The following INSC variants were observed in gnomAD, a reference collection of about 807,000 sequenced individuals.
INSC encodes INSC spindle orientation adaptor protein.
Under a neutral mutation model 58.6 loss-of-function variants are expected in INSC, and 67 were observed. The observed-to-expected ratio is 1.14, with a 90% CI of 0.94 to 1.40. The LOEUF (loss-of-function observed/expected upper bound fraction) is 1.40. Ranked by LOEUF, INSC falls within the 40% of genes most tolerant of loss-of-function variation. INSC has a pLI of 0.00. For missense variants in INSC, 714 were observed against 692.0 expected (o/e 1.03, Z -0.36); for synonymous variants, 262 against 276.1 (o/e 0.95, Z 0.51).
chr11:15,236,714 C>T (rs951051814), intron 10 of INSC, among the ~76,000 whole-genome samples: 6 of 152,190 alleles, frequency 3.9e-5, no homozygotes, highest in African/African-American at 1.4e-4. Flanking sequence ...AATTAGCAAC[C>T]GGTTGGAAAC....
chr11:15,207,612 C>T (rs947714688), intron 7 of INSC, among the ~76,000 whole-genome samples: 1 of 152,236 alleles, frequency 6.6e-6, no homozygotes, highest in Admixed American at 6.5e-5. Context: ...CTTGAAATCC[C>T]AGAGGCCCTG....
chr11:15,217,566 T>C (rs1275661054), intron 7 of INSC, among the ~76,000 whole-genome samples: 1 of 152,100 alleles, frequency 6.6e-6, no homozygotes, highest in Non-Finnish European at 1.5e-5. Flanking sequence ...GGCCTCATAC[T>C]ATGGTGAGCT....
At chr11:15,170,315 G>A (rs2133809441) in intron 2 of INSC, among the ~76,000 whole-genome samples, 1 of 151,932 alleles carries the variant, frequency 6.6e-6, no homozygotes, top group African/African-American at 2.4e-5. Context: ...ATTCCACCCA[G>A]GATATCATAT....
chr11:15,221,558 G>A lies in INSC; in HGVS notation c.901G>A (p.Val301Met), dbSNP rs1281054285. 6.2e-7 allele frequency: 1 copy of A among 1,614,028 alleles called. No homozygotes were observed. Among genetic ancestry groups the A allele is most frequent in the Admixed American group, 1.7e-5 (1 of 60,004 alleles). Residue 301 changes from valine (V) to methionine (M), a missense_variant, in exon 8 of 13, where the codon GTG (valine) becomes ATG (methionine). Transcript: ENST00000379556. ...CACACGGGCTGAGGCTGCGGCTGTG[G>A]TGGCCCAGGTCACCTCCCCACACCT... The part of the protein sequence containing the change: ...EATRAEAAAV[V>M]AQVTSPHLPV...
At chr11:15,133,957 A>T (rs980256459) in intron 1 of INSC, among the ~76,000 whole-genome samples, 16 of 152,226 alleles carry the variant, frequency 1.1e-4, no homozygotes, top group Non-Finnish European at 5.9e-5. Context: ...AAGGAGAAGG[A>T]TTAATTGTCA....
At chr11:15,116,921 C>CTCCTTCCTTCCTTCCTTCCTTCCTTCCT (rs1219518629) in intron 1 of INSC, among the ~76,000 whole-genome samples, 6 of 20,592 alleles carry the variant, frequency 2.9e-4, no homozygotes, top group African/African-American at 6.2e-4. Context: ...CCCTCCCTCC[C>CTCCTTCCTTCCTTCCTTCCTTCCTTCCT]TCCTTCCTTC....
the INSC span, among the ~76,000 whole-genome samples, chr11:15,259,224 G>C: frequency 1.3e-5 from 2 of 152,072 alleles, no homozygotes. Flanking sequence ...GGGGCTTGTT[G>C]GATACACCCT....
intron 5 of INSC, among the ~76,000 whole-genome samples, chr11:15,181,304 G>A (rs1336391814): frequency 6.6e-6 from 1 of 152,184 alleles, no homozygotes; most frequent in Non-Finnish European, 1.5e-5. Context: ...TATTATTAAA[G>A]CACCTATTTA....
At chr11:15,239,813 A>G (rs1299440020) in intron 11 of INSC, among the ~76,000 whole-genome samples, 3 of 152,142 alleles carry the variant, frequency 2.0e-5, no homozygotes, top group Non-Finnish European at 2.9e-5. Flanking sequence ...CTGTGGTTTG[A>G]TGGGTAAGTT....
chr11:15,206,194 A>G (rs936626409), intron 7 of INSC, among the ~76,000 whole-genome samples: 2 of 152,186 alleles, frequency 1.3e-5, no homozygotes, highest in African/African-American at 4.8e-5. Flanking sequence ...GAGGCCCAGC[A>G]GGACAGACAG....
At chr11:15,174,231 T>A (rs191297224) in intron 2 of INSC, among the ~76,000 whole-genome samples, 3 of 152,220 alleles carry the variant, frequency 2.0e-5, no homozygotes, top group Admixed American at 1.3e-4. Flanking sequence ...GATAGCCACA[T>A]GGCATCCTTC....
chr11:15,146,566 C>T (rs1187807483), intron 1 of INSC, among the ~76,000 whole-genome samples: 3 of 152,166 alleles, frequency 2.0e-5, no homozygotes, highest in South Asian at 2.1e-4. Context: ...TGAATGATGG[C>T]ACCTCACTGG....
chr11:15,187,432 G>A (rs1850009991), intron 5 of INSC, among the ~76,000 whole-genome samples: 1 of 152,074 alleles, frequency 6.6e-6, no homozygotes. Context: ...GCACAGATGG[G>A]CTACTCTACT....
chr11:15,146,393 C>T (rs1848492383), intron 1 of INSC, among the ~76,000 whole-genome samples: 1 of 152,162 alleles, frequency 6.6e-6, no homozygotes, highest in Non-Finnish European at 1.5e-5. Context: ...AAAGAGGCAG[C>T]CAATAATGAC....
intron 1 of INSC, among the ~76,000 whole-genome samples, chr11:15,125,127 G>A (rs1564857906): frequency 6.6e-6 from 1 of 152,186 alleles, no homozygotes; most frequent in African/African-American, 2.4e-5. Context: ...AGGGTCAGGA[G>A]GTTTTCTCTG....
In INSC at chr11:15,163,199, C is replaced by A. The variant is rs557693623; in HGVS notation, c.57-12542C>A. Among the ~76,000 whole-genome samples the A allele has an allele frequency of 2.6e-5, 4 of 152,296 alleles. No homozygotes were observed. In the East Asian group the frequency reaches 5.8e-4, roughly 22 times the overall value. On this transcript the variant is annotated intron_variant, in intron 2 of 12. Transcript: ENST00000379556. ...TGAGTATTTTAAATATGTAACTCTA[C>A]TTTTTCTGATATAAAGTATTGCTCT...
intron 2 of INSC, among the ~76,000 whole-genome samples, chr11:15,155,425 A>G (rs1296233593): frequency 6.6e-6 from 1 of 152,248 alleles, no homozygotes; most frequent in East Asian, 1.9e-4. Context: ...ACAGTGATCC[A>G]TAATGGTTTG....
downstream of INSC, among the ~76,000 whole-genome samples, chr11:15,251,743 G>C (rs1361964987): frequency 7.4e-6 from 1 of 134,376 alleles, no homozygotes; most frequent in Non-Finnish European, 1.6e-5. Context: ...TGGTGGGATG[G>C]TAAAATAGTA....
chr11:15,247,733 G>GTATATATATATATATATACATATATATA (rs1852605239), downstream of INSC, among the ~76,000 whole-genome samples: 1 of 127,458 alleles, frequency 7.8e-6, no homozygotes, highest in African/African-American at 2.9e-5. Context: ...TAGAAATAAG[G>GTATATATATATATATATACATATATATA]TATATATATA....
Sources: gnomAD v4.1 joint callset for allele counts (sites outside exome capture counted in the v4.1 genomes callset) on GRCh38, gnomAD v4.1.1 for gene constraint, MANE v1.5 for transcripts, NCBI Gene and HGNC (gene_info 2026-07-23, HGNC 2026-07-21) for gene names.